Variants in RYR3 observed in about 807,000 individuals in gnomAD.
RYR3 encodes the protein ryanodine receptor 3, also known as brain ryanodine receptor-calcium release channel.
Under a neutral mutation model 584.3 loss-of-function variants are expected in RYR3, and 207 were observed. The observed-to-expected ratio is 0.35, with a 90% CI of 0.32 to 0.40. The LOEUF (loss-of-function observed/expected upper bound fraction) is 0.40, where lower values mean the gene tolerates loss of function less well. RYR3 is among the 10% of genes least tolerant of loss of function. The probability of loss-of-function intolerance (pLI) is 1.00; values close to 1 mark genes in which losing one functional copy is unlikely to be tolerated. For missense variants in RYR3, 5,616 were observed against 6,089.2 expected (o/e 0.92, Z 2.59); for synonymous variants, 2,416 against 2,248.5 (o/e 1.07, Z -2.11).
intron 1 of RYR3, among the ~76,000 whole-genome samples, chr15:33,422,991 GTAACATATATA>G (rs2044346393): frequency 6.6e-6 from 1 of 152,096 alleles, no homozygotes; most frequent in African/African-American, 2.4e-5. Flanking sequence ...AGTTTAAATT[GTAACATATATA>G]TAACATTGAG....
At chr15:33,497,802 A>G (rs569078590) in intron 2 of RYR3, among the ~76,000 whole-genome samples, 1 of 152,264 alleles carries the variant, frequency 6.6e-6, no homozygotes, top group East Asian at 1.9e-4. Context: ...TAAGTGCTAT[A>G]GAACACTAGA....
At chr15:33,725,192 C>CACACACATATAT (rs2068283996) in intron 45 of RYR3, among the ~76,000 whole-genome samples, 2 of 145,620 alleles carry the variant, frequency 1.4e-5, no homozygotes, top group East Asian at 2.0e-4. Flanking sequence ...CACACACACA[C>CACACACATATAT]ACACACACAC....
rs561313919 is a variant in RYR3, at chr15:33,644,393, T to C, written c.3639T>C (p.Tyr1213=). 6.2e-7 allele frequency: 1 copy of C among 1,613,572 alleles called. No individual in the cohort carries two copies. The highest frequency in any genetic ancestry group is 1.3e-5 in the African/African-American group (1 of 75,048). The part of the protein sequence containing the change: ...LGTDASTFKF[Y]TMCGLQEGFE... ...CAGATGCCAGTACCTTCAAGTTTTATACCATGTGCGGTCTCCAAGAGGGCT... is the reference window on the plus strand; with the variant it reads ...CAGATGCCAGTACCTTCAAGTTTTACACCATGTGCGGTCTCCAAGAGGGCT... The change falls in exon 28 of 104, where the codon TAT becomes TAC. Residue 1213 remains tyrosine (Y), a synonymous_variant. Transcript: ENST00000634891.
chr15:33,427,338 A>G (rs774233303), intron 1 of RYR3, among the ~76,000 whole-genome samples: 2 of 152,198 alleles, frequency 1.3e-5, no homozygotes, highest in Non-Finnish European at 2.9e-5. Context: ...GCTGGGTGCA[A>G]TAGTGTGCAC....
At chr15:33,704,531 T>G (rs1036184365) in intron 42 of RYR3, among the ~76,000 whole-genome samples, 2 of 152,180 alleles carry the variant, frequency 1.3e-5, no homozygotes, top group African/African-American at 2.4e-5. Flanking sequence ...AAATGCTGTG[T>G]CTATTCATGG....
At chr15:33,601,950 T>C (rs942150447) in intron 17 of RYR3, among the ~76,000 whole-genome samples, 3 of 152,264 alleles carry the variant, frequency 2.0e-5, no homozygotes, top group Non-Finnish European at 4.4e-5. Context: ...AGACTGTGGC[T>C]TCTTGCATCC....
intron 1 of RYR3, among the ~76,000 whole-genome samples, chr15:33,348,666 A>C (rs564488356): frequency 1.3e-5 from 2 of 151,872 alleles, no homozygotes; most frequent in Non-Finnish European, 2.9e-5. Context: ...AGTAGAGACA[A>C]GGTTTCAGCA....
chr15:33,560,144 G>T (rs1333762436), intron 10 of RYR3, among the ~76,000 whole-genome samples: 1 of 152,180 alleles, frequency 6.6e-6, no homozygotes, highest in Non-Finnish European at 1.5e-5. Context: ...TCATACTCAA[G>T]TCAAAAGAAA....
chr15:33,531,732 A>G (rs977715421), intron 4 of RYR3, among the ~76,000 whole-genome samples: 11 of 152,184 alleles, frequency 7.2e-5, no homozygotes, highest in African/African-American at 2.6e-4. Context: ...AAAGACGAAA[A>G]ACAAAAATGT....
intron 10 of RYR3, among the ~76,000 whole-genome samples, chr15:33,560,039 T>C (rs894045025): frequency 4.6e-5 from 7 of 152,204 alleles, no homozygotes; most frequent in Admixed American, 6.5e-5. Context: ...AGAGAATGAT[T>C]GGATTAGCTC....
rs2061342890 is a variant in RYR3 at position 33,633,049 on chromosome 15, G to T, written c.2968G>T (p.Ala990Ser). 1 of 1,613,908 alleles carries T rather than the reference G, an allele frequency of 6.2e-7. No homozygotes were observed. Among genetic ancestry groups the T allele is most frequent in the Admixed American group, 1.7e-5 (1 of 60,006 alleles). Residue 990 changes from alanine to serine, a missense_variant, in exon 24 of 104, where the codon GCA (alanine) becomes TCA (serine). Transcript: ENST00000634891. Reference protein sequence around the residue: ...EILVDKLAENAHNVWAKDRIK... With the variant: ...EILVDKLAENSHNVWAKDRIK... The stretch of plus-strand genomic sequence containing the variant: ...TTTAGTGGATAAGCTTGCAGAAAAT[G>T]CACACAATGTTTGGGCAAAAGACAG...
At chr15:33,848,826 CT>C (rs769204969) in intron 94 of RYR3, among the ~76,000 whole-genome samples, 3,228 of 74,980 alleles carry the variant, frequency 0.043, 7 homozygotes, top group African/African-American at 0.055. Flanking sequence ...CTGAAGTCCT[CT>C]TTTTTTTTTT....
Position 33,660,365 on chromosome 15 carries a change from G to A in RYR3, c.4564G>A (p.Val1522Met). ...GCGTGTGAGCGAGCGCCACGGCTGG[G>A]TGGTGCAGTGCCTGGAGCCCCTGCA... The part of the protein sequence containing the change: ...TERVSERHGW[V>M]VQCLEPLQMM... The change falls in exon 34 of 104, where the codon GTG (valine) becomes ATG (methionine). Residue 1522 changes from valine (V) to methionine (M), a missense_variant. Around this residue, in one of 9 missense-constraint regions of RYR3, gnomAD observed 753 missense variants for 741.0 expected, o/e 1.02. Coordinates refer to ENST00000634891, the MANE Select transcript of RYR3 (RefSeq NM_001036.6). The A allele has an allele frequency of 6.3e-7, 1 of 1,590,822 alleles. No homozygotes were observed. Among genetic ancestry groups the A allele is most frequent in the South Asian group, 1.2e-5 (1 of 86,760 alleles).
chr15:33,397,231 G>A (rs2042352702), intron 1 of RYR3, among the ~76,000 whole-genome samples: 1 of 152,140 alleles, frequency 6.6e-6, no homozygotes, highest in Non-Finnish European at 1.5e-5. Flanking sequence ...AAGGAGGAGG[G>A]GTAGGGATAG....
intron 38 of RYR3, among the ~76,000 whole-genome samples, chr15:33,683,776 C>T (rs573780822): frequency 2.3e-4 from 35 of 152,370 alleles, no homozygotes; most frequent in Non-Finnish European, 3.7e-4. Context: ...GAGAAACTTC[C>T]GCCCAAATAC....
At chr15:33,647,891 C>T (rs374826983) in intron 30 of RYR3, among the ~76,000 whole-genome samples, 1 of 150,936 alleles carries the variant, frequency 6.6e-6, no homozygotes, top group Non-Finnish European at 1.5e-5. Context: ...AGCAAGAAGC[C>T]ATCGCAGAAG....
At chr15:33,473,582 C>T (rs2049124132) in intron 2 of RYR3, 44 bp downstream of exon 2, 2 of 1,605,246 alleles carry the variant, frequency 1.2e-6, no homozygotes, top group South Asian at 2.2e-5. Context: ...ACCTTGGCGT[C>T]TGACAAAGTC....
chr15:33,699,232 G>GTCTC (rs2066085788), intron 40 of RYR3, among the ~76,000 whole-genome samples: 1 of 118,834 alleles, frequency 8.4e-6, no homozygotes, highest in African/African-American at 2.9e-5. Flanking sequence ...CTGTCTGTCT[G>GTCTC]TCTGTCTCTC....
chr15:33,444,242 A>C (rs1041190113), intron 1 of RYR3, among the ~76,000 whole-genome samples: 2 of 152,208 alleles, frequency 1.3e-5, no homozygotes, highest in African/African-American at 4.8e-5. Context: ...CTGCTCTGGG[A>C]GCAAAAAGCT....
Sources: allele counts gnomAD v4.1 joint callset (sites outside exome capture counted in the v4.1 genomes callset), GRCh38; gene constraint gnomAD v4.1.1; regional missense constraint gnomAD v4.1.1; transcripts MANE v1.5; gene names NCBI Gene and HGNC (gene_info 2026-07-23, HGNC 2026-07-21).